Variants in DPP6 observed in about 807,000 individuals in gnomAD.
DPP6 encodes the protein A-type potassium channel modulatory protein DPP6.
A neutral mutation model predicts 122.6 loss-of-function variants in DPP6; 69 were observed. The observed-to-expected ratio is 0.56, with a 90% confidence interval of 0.46 to 0.69. DPP6 has a LOEUF of 0.69. Ranked by LOEUF, DPP6 falls within the 30% of genes least tolerant of loss-of-function variation. The pLI, the probability that DPP6 is intolerant of heterozygous loss-of-function variation, is 0.00. For synonymous variants in DPP6, 418 were observed against 433.1 expected (o/e 0.97, Z 0.43); for missense variants, 928 against 1,116.9 (o/e 0.83, Z 2.41).
intron 1 of DPP6, chr7:154,058,472 T>G (rs1801124360): frequency 9.0e-6 from 1 of 111,578 alleles, no homozygotes; most frequent in Admixed American, 9.2e-5. Context: ...GGTACCCCCA[T>G]CGTAGGGGGG....
chr7:154,568,149 A>G (rs1191920822), intron 5 of DPP6, among the ~76,000 whole-genome samples: 3 of 152,228 alleles, frequency 2.0e-5, no homozygotes, highest in Non-Finnish European at 4.4e-5. Context: ...CACAGCCTTA[A>G]ACTTGCCTCT....
At chr7:154,876,158 G>T in intron 20 of DPP6, 58 bp downstream of exon 20, 1 of 1,482,766 alleles carries the variant, frequency 6.7e-7, no homozygotes, top group Non-Finnish European at 8.9e-7. Flanking sequence ...CCTCATGGGG[G>T]CAGCACCGCA....
At chr7:154,797,096 G>A (rs1337724343) in intron 12 of DPP6, among the ~76,000 whole-genome samples, 2 of 152,214 alleles carry the variant, frequency 1.3e-5, no homozygotes, top group Non-Finnish European at 2.9e-5. Flanking sequence ...GTATTGTGAT[G>A]TTCATCTCAC....
intron 16 of DPP6, among the ~76,000 whole-genome samples, chr7:154,824,728 G>A (rs767610802): frequency 1.3e-5 from 2 of 152,236 alleles, no homozygotes; most frequent in African/African-American, 2.4e-5. Flanking sequence ...GGAAAAAGAT[G>A]AGAGAAAATC....
At position 154,521,309 on chromosome 7, in the gene DPP6, G is replaced by T. The variant is rs76674274; in HGVS notation, c.458-19223G>T. ...TACTTAACTCTATATTTTCTTTTATGTTAGGTTCAAGTGAAAAAATAATTT... is the reference window on the plus strand; with the variant it reads ...TACTTAACTCTATATTTTCTTTTATTTTAGGTTCAAGTGAAAAAATAATTT... On this transcript the variant is annotated intron_variant, in intron 3 of 25. Transcript: ENST00000377770. 3.4e-3 allele frequency among the ~76,000 whole-genome samples: 505 copies of T among 150,662 alleles called. 3 individuals carry two copies. The highest frequency in any genetic ancestry group is 3.9e-3 in the Admixed American group (59 of 15,084).
At chr7:154,673,543 C>G (rs1838700105) in intron 7 of DPP6, among the ~76,000 whole-genome samples, 1 of 152,104 alleles carries the variant, frequency 6.6e-6, no homozygotes, top group Non-Finnish European at 1.5e-5. Context: ...GGGAGGAGGC[C>G]CCCAGGCTGC....
intron 3 of DPP6, among the ~76,000 whole-genome samples, chr7:154,535,994 C>T (rs1006270647): frequency 9.2e-5 from 14 of 152,094 alleles, no homozygotes; most frequent in African/African-American, 3.4e-4. Context: ...GCAAACATAC[C>T]ATATGACCCA....
chr7:154,371,899 G>A (rs779135015), intron 1 of DPP6, among the ~76,000 whole-genome samples: 62 of 152,172 alleles, frequency 4.1e-4, no homozygotes, highest in Non-Finnish European at 7.3e-4. Flanking sequence ...GGGAAAATGC[G>A]TAGACATACC....
intron 3 of DPP6, among the ~76,000 whole-genome samples, chr7:154,532,379 T>G (rs947110414): frequency 2.6e-5 from 4 of 151,672 alleles, no homozygotes; most frequent in Non-Finnish European, 5.9e-5. Context: ...ATAGTTTAAC[T>G]AGAAAGGAAA....
intron 10 of DPP6, among the ~76,000 whole-genome samples, chr7:154,791,885 A>G (rs1341205012): frequency 4.6e-5 from 7 of 152,242 alleles, no homozygotes; most frequent in Non-Finnish European, 7.3e-5. Flanking sequence ...GCATCAAGAG[A>G]AAGTTTGCAT....
chr7:154,393,170 G>T (rs1359461122), intron 1 of DPP6, among the ~76,000 whole-genome samples: 1 of 152,156 alleles, frequency 6.6e-6, no homozygotes, highest in Non-Finnish European at 1.5e-5. Flanking sequence ...CTCTTGAGTG[G>T]CTAAGAGTCT....
At chr7:154,198,512 C>G (rs1350994025) in intron 1 of DPP6, among the ~76,000 whole-genome samples, 1 of 152,044 alleles carries the variant, frequency 6.6e-6, no homozygotes, top group South Asian at 2.1e-4. Context: ...TGGAGTTTCA[C>G]CATGTTGGCC....
chr7:154,666,479 ATATACT>A (rs1418886978), intron 6 of DPP6, among the ~76,000 whole-genome samples: 1 of 152,064 alleles, frequency 6.6e-6, no homozygotes, highest in Non-Finnish European at 1.5e-5. Flanking sequence ...CTATCACCTC[ATATACT>A]TATCTTTTTT....
At chr7:153,794,368 C>A in the DPP6 span, among the ~76,000 whole-genome samples, 3 of 152,158 alleles carry the variant, frequency 2.0e-5, no homozygotes, top group Non-Finnish European at 4.4e-5. Context: ...CATTTTGGAG[C>A]CCTAAAATTT....
At chr7:154,675,860 A>G (rs60663319) in intron 7 of DPP6, among the ~76,000 whole-genome samples, 26,808 of 152,124 alleles carry the variant, frequency 0.18, 3,261 homozygotes, top group African/African-American at 0.35. Flanking sequence ...CACACTATGT[A>G]TTTGATATTC....
intron 1 of DPP6, among the ~76,000 whole-genome samples, chr7:153,905,020 A>G (rs916413755): frequency 1.3e-5 from 2 of 152,236 alleles, no homozygotes; most frequent in Admixed American, 6.5e-5. Flanking sequence ...ATCTAATGCC[A>G]ATACAGTGAG....
chr7:154,797,317 A>T (rs1313259099), intron 12 of DPP6, among the ~76,000 whole-genome samples: 1 of 152,166 alleles, frequency 6.6e-6, no homozygotes, highest in African/African-American at 2.4e-5. Context: ...ATATTCCAGA[A>T]TATGTATGTA....
the DPP6 span, among the ~76,000 whole-genome samples, chr7:153,823,307 C>T: frequency 2.0e-5 from 3 of 151,804 alleles, no homozygotes; most frequent in Non-Finnish European, 4.4e-5. Flanking sequence ...CTGGCCCAGG[C>T]TCACCTGATC....
chr7:154,479,570 A>AG (rs1554563521), intron 3 of DPP6, among the ~76,000 whole-genome samples: 3 of 101,566 alleles, frequency 3.0e-5, no homozygotes, highest in Non-Finnish European at 6.7e-5. Flanking sequence ...AAAAAAAAAA[A>AG]AAAAGAAAAG....
Sources: allele counts gnomAD v4.1 joint callset (sites outside exome capture counted in the v4.1 genomes callset), GRCh38; gene constraint gnomAD v4.1.1; transcripts MANE v1.5; gene names NCBI Gene and HGNC (gene_info 2026-07-23, HGNC 2026-07-21).